The following RGMB variants were observed in gnomAD, a reference collection of about 807,000 sequenced individuals.
RGMB encodes the protein repulsive guidance molecule B.
Under a neutral mutation model 26.9 loss-of-function variants are expected in RGMB, and 16 were observed. The ratio of observed to expected loss-of-function variants is 0.60; its 90% CI spans 0.40 to 0.90. RGMB has a LOEUF of 0.90. Ranked by LOEUF, RGMB falls within the 40% of genes least tolerant of loss-of-function variation. The pLI, the probability that RGMB is intolerant of heterozygous loss-of-function variation, is 0.00. For missense variants in RGMB, 512 were observed against 573.3 expected (o/e 0.89, Z 1.09); for synonymous variants, 225 against 229.3 (o/e 0.98, Z 0.17).
At chr5:98,770,488 G>A (rs1254082693), upstream of RGMB, 12 of 460,998 alleles carry the variant, frequency 2.6e-5, no homozygotes, top group Admixed American at 8.8e-5. Flanking sequence ...CAGGGATTGC[G>A]GGGGCCCGTT....
chr5:98,785,144 C>T (rs991017951), intron 2 of RGMB, among the ~76,000 whole-genome samples: 1 of 152,148 alleles, frequency 6.6e-6, no homozygotes, highest in Non-Finnish European at 1.5e-5. Context: ...GTTACACCTC[C>T]CTGCTTAATG....
chr5:98,780,132 A>G (rs1008508971), intron 2 of RGMB, 44 bp downstream of exon 2: 1 of 1,543,888 alleles, frequency 6.5e-7, no homozygotes. Flanking sequence ...CAACTTTCAA[A>G]AGATGTTTGA....
At chr5:98,780,561 A>G (rs888236758) in intron 2 of RGMB, 3 of 154,442 alleles carry the variant, frequency 1.9e-5, no homozygotes, top group Non-Finnish European at 4.3e-5. Flanking sequence ...CATAATGGCA[A>G]TAAGCCAACT....
Position 98,775,866 on chromosome 5 carries a change from T to C in RGMB, c.136+1660T>C, listed in dbSNP as rs376210132. ...CTTGTTGGAGTGAAGCGATTAATCCTGTTAAAGAAAAGAACGCTCCTTTTG... is the reference window on the plus strand; with the variant it reads ...CTTGTTGGAGTGAAGCGATTAATCCCGTTAAAGAAAAGAACGCTCCTTTTG... On this transcript the variant is annotated intron_variant, in intron 1 of 2. Transcript: ENST00000513185. Among the ~76,000 whole-genome samples, 8 of 152,352 alleles carry C rather than the reference T, an allele frequency of 5.3e-5. No homozygotes were observed. The East Asian group carries it at 9.6e-4, about 18-fold the overall frequency.
chr5:98,796,356 G>T lies in RGMB; in HGVS notation c.*2603G>T. The T allele has an allele frequency of 8.0e-6, 1 of 124,806 alleles. No homozygotes were observed. Among genetic ancestry groups the T allele is most frequent in the African/African-American group, 3.0e-5 (1 of 33,886 alleles). 7.7% of individuals were successfully genotyped at this position (124,806 alleles called of 1,614,324 possible). On this transcript the variant is annotated 3_prime_UTR_variant, in exon 3 of 3. Coordinates refer to ENST00000513185, the MANE Select transcript of RGMB (RefSeq NM_001366508.1). ...GAAGCTCCCCCCCCCCCAACAGTGT[G>T]TCGAGTCTTTGCAAAGAAACCTTTA...
intron 2 of RGMB, among the ~76,000 whole-genome samples, chr5:98,790,102 T>C (rs1486301049): frequency 1.3e-5 from 2 of 152,244 alleles, no homozygotes; most frequent in Non-Finnish European, 1.5e-5. Flanking sequence ...TAAAAGCTCA[T>C]GTTGTAATTG....
At chr5:98,787,898 C>G (rs10477827) in intron 2 of RGMB, among the ~76,000 whole-genome samples, 1 of 152,198 alleles carries the variant, frequency 6.6e-6, no homozygotes, top group Non-Finnish European at 1.5e-5. Context: ...GAGCTTGATG[C>G]TGCTTCTCTA....
chr5:98,779,553 T>G, intron 1 of RGMB, 27 bp from the exon 2 acceptor site: 1 of 1,499,922 alleles, frequency 6.7e-7, no homozygotes, highest in Non-Finnish European at 8.9e-7. Context: ...AGTTTACAAA[T>G]GTTTGGTCTT....
rs779067115 is a variant in RGMB, at chr5:98,773,940, C to T, written c.-131C>T. Reference sequence around the variant, plus strand: ...GGCGGTGGTGGCGCCCCATCTGCTACACGGGCCTGAAGAAGGAAGAAGAGG... The same window carrying T: ...GGCGGTGGTGGCGCCCCATCTGCTATACGGGCCTGAAGAAGGAAGAAGAGG... On this transcript the variant is annotated 5_prime_UTR_variant, in exon 1 of 3. Transcript: ENST00000513185. The T allele has an allele frequency of 5.7e-5, 34 of 600,284 alleles. No individual in the cohort carries two copies. Among genetic ancestry groups the T allele is most frequent in the African/African-American group, 4.7e-4 (24 of 51,026 alleles). The allele number at this position is 600,284 out of a possible 1,614,324, so 37.2% of individuals were successfully genotyped here. A position where few individuals can be genotyped will look rare whatever the true frequency, so the allele number is the denominator to read the frequency against.
intron 2 of RGMB, among the ~76,000 whole-genome samples, chr5:98,782,996 G>T (rs936650606): frequency 6.6e-6 from 1 of 152,194 alleles, no homozygotes; most frequent in Admixed American, 6.5e-5. Flanking sequence ...CATGCCTGCG[G>T]TGCTTAATGA....
At chr5:98,791,691 G>T (rs1175606763) in intron 2 of RGMB, among the ~76,000 whole-genome samples, 1 of 152,078 alleles carries the variant, frequency 6.6e-6, no homozygotes, top group Non-Finnish European at 1.5e-5. Context: ...TCAGTTACTA[G>T]CAATGATACA....
At chr5:98,771,903 C>T (rs1009942334), upstream of RGMB, 10 of 151,252 alleles carry the variant, frequency 6.6e-5, no homozygotes, top group African/African-American at 2.4e-4. Flanking sequence ...AAGTGAGATG[C>T]TGCTTTTATA....
intron 2 of RGMB, among the ~76,000 whole-genome samples, chr5:98,788,186 G>C (rs1252709345): frequency 6.6e-6 from 1 of 152,172 alleles, no homozygotes; most frequent in Non-Finnish European, 1.5e-5. Context: ...CCTAAAAGGA[G>C]TCCACAGTAT....
intron 2 of RGMB, among the ~76,000 whole-genome samples, chr5:98,782,051 C>G (rs1466195323): frequency 6.6e-6 from 1 of 152,208 alleles, no homozygotes; most frequent in Non-Finnish European, 1.5e-5. Context: ...GATGAGAATG[C>G]TTGGTCTTTA....
intron 1 of RGMB, among the ~76,000 whole-genome samples, chr5:98,777,966 C>T (rs1746468626): frequency 6.6e-6 from 1 of 152,146 alleles, no homozygotes; most frequent in African/African-American, 2.4e-5. Context: ...CACACTTTCT[C>T]TGTATTTAGC....
chr5:98,787,274 A>G (rs926360648), intron 2 of RGMB, among the ~76,000 whole-genome samples: 2 of 152,068 alleles, frequency 1.3e-5, no homozygotes, highest in Admixed American at 1.3e-4. Flanking sequence ...AAGCCCTTTT[A>G]CTTTTTTTGC....
upstream of RGMB, chr5:98,772,705 C>T (rs1746206162): frequency 6.6e-6 from 1 of 152,184 alleles, no homozygotes. Context: ...AGACAATTGT[C>T]TTTTTCCTCA....
intron 2 of RGMB, among the ~76,000 whole-genome samples, chr5:98,788,726 C>A (rs763070708): frequency 6.6e-6 from 1 of 152,200 alleles, no homozygotes; most frequent in Non-Finnish European, 1.5e-5. Flanking sequence ...AAGGAAGGTG[C>A]TTTCAAAGGC....
At position 98,774,187 on chromosome 5, in the gene RGMB, C is replaced by T. The variant is rs1353524871; in HGVS notation, c.117C>T (p.Ser39=). The part of the protein sequence containing the change: ...PLELLLLLLF[S]LGLLHAGDCQ... The stretch of plus-strand genomic sequence containing the variant: ...AGCTGCTGCTGCTGCTGCTGTTCAG[C>T]CTCGGGCTGCTCCACGCAGGTAGGA... The change falls in exon 1 of 3, where the codon AGC becomes AGT. Residue 39 remains serine (S), a synonymous_variant. Coordinates refer to ENST00000513185, the MANE Select transcript of RGMB (RefSeq NM_001366508.1). 2.0e-6 allele frequency: 3 copies of T among 1,492,652 alleles called. No homozygotes were observed. The highest frequency in any genetic ancestry group is 2.9e-5 in the African/African-American group (2 of 68,646). The allele number at this position is 1,492,652 out of a possible 1,614,324, so 92.5% of individuals were successfully genotyped here.
Sources: allele counts gnomAD v4.1 joint callset (sites outside exome capture counted in the v4.1 genomes callset), GRCh38; gene constraint gnomAD v4.1.1; transcripts MANE v1.5; gene names NCBI Gene and HGNC (gene_info 2026-07-23, HGNC 2026-07-21).